VWCE: variants seen among roughly 807,000 people sequenced by gnomAD.
The protein encoded by VWCE is von Willebrand factor C and EGF domains, also known as von Willebrand factor C and EGF domain-containing protein.
Under a neutral mutation model 102.9 loss-of-function variants are expected in VWCE, and 68 were observed. The observed-to-expected ratio is 0.66, with a 90% CI of 0.54 to 0.81. The LOEUF (loss-of-function observed/expected upper bound fraction) is 0.81, where lower values mean the gene tolerates loss of function less well. VWCE is among the 30% of genes least tolerant of loss of function. VWCE has a pLI of 0.00. For missense variants in VWCE, 1,137 were observed against 1,263.6 expected, an observed-to-expected ratio of 0.90 and a Z score of 1.52; for synonymous variants, 497 against 515.4, an observed-to-expected ratio of 0.96 and a Z score of 0.48.
chr11:61,281,719 G>A, intron 7 of VWCE, 67 bp downstream of exon 7: 3 of 1,533,962 alleles, frequency 2.0e-6, no homozygotes, highest in South Asian at 1.3e-5. Context: ...GGCTATGGGG[G>A]GGCGTAGCTG....
chr11:61,282,236 C>A (rs1361954273), intron 6 of VWCE, among the ~76,000 whole-genome samples: 1 of 152,214 alleles, frequency 6.6e-6, no homozygotes, highest in East Asian at 1.9e-4. Flanking sequence ...CTTCCACCCT[C>A]CCGTTTTTCT....
intron 12 of VWCE, 78 bp from the exon 13 acceptor site, chr11:61,273,394 G>A: frequency 7.3e-7 from 1 of 1,369,196 alleles, no homozygotes; most frequent in Non-Finnish European, 9.9e-7. Context: ...GAGGCCGCAG[G>A]CTGCCTGCCA....
Position 61,282,803 on chromosome 11 carries a change from C to G in VWCE, c.644G>C (p.Arg215Pro), listed in dbSNP as rs551711336. ...CRTGFHLHGN[R>P]HSCVDVNECR... ...CCCCGCCTTACCTACACAGGAGTGCCGGTTGCCATGAAGGTGGAAGCCAGT... is the reference window on the plus strand; with the variant it reads ...CCCCGCCTTACCTACACAGGAGTGCGGGTTGCCATGAAGGTGGAAGCCAGT... The change falls in exon 6 of 20, where the codon CGG becomes CCG. Residue 215 changes from arginine to proline, a missense_variant. This residue lies in a region of VWCE where 575 missense variants were observed against 625.9 expected (regional missense o/e 0.92). Transcript: ENST00000335613. The G allele has an allele frequency of 2.0e-5, 32 of 1,613,948 alleles. No individual in the cohort carries two copies. The highest frequency in any genetic ancestry group is 2.6e-5 in the Non-Finnish European group (31 of 1,179,954).
At chr11:61,293,026 G>A (rs1436442906) in intron 1 of VWCE, among the ~76,000 whole-genome samples, 2 of 151,986 alleles carry the variant, frequency 1.3e-5, no homozygotes, top group East Asian at 3.9e-4. Flanking sequence ...CGGATCACCC[G>A]AGGTCAGGAG....
chr11:61,278,976 T>C (rs1293197547), intron 9 of VWCE, among the ~76,000 whole-genome samples: 2 of 152,058 alleles, frequency 1.3e-5, no homozygotes, highest in Non-Finnish European at 2.9e-5. Flanking sequence ...GAGGCAGACG[T>C]TGCAGTGAGC....
intron 4 of VWCE, 37 bp downstream of exon 4, chr11:61,290,762 C>T: frequency 6.4e-7 from 1 of 1,571,086 alleles, no homozygotes; most frequent in Non-Finnish European, 8.7e-7. Context: ...TTCCCGCTGT[C>T]CCCCTCCCCC....
At chr11:61,287,983 G>A (rs748745080) in intron 4 of VWCE, among the ~76,000 whole-genome samples, 84 of 151,402 alleles carry the variant, frequency 5.5e-4, no homozygotes, top group African/African-American at 1.4e-3. Flanking sequence ...GTGAAACCCC[G>A]TCTCTACTAA....
chr11:61,284,951 CAAAA>C (rs561924825), intron 5 of VWCE, among the ~76,000 whole-genome samples: 1 of 138,280 alleles, frequency 7.2e-6, no homozygotes, highest in South Asian at 2.3e-4. Context: ...TCCTCCATGT[CAAAA>C]AAAAAAAAGA....
intron 19 of VWCE, 83 bp downstream of exon 19, chr11:61,264,404 C>T (rs570033937): frequency 5.6e-5 from 77 of 1,382,864 alleles, no homozygotes; most frequent in Admixed American, 1.2e-4. Context: ...TTATCCAGCC[C>T]TTTACAAGTT....
In VWCE at chr11:61,294,903, GC is replaced by G; in HGVS notation, c.110+24del. The G allele has an allele frequency of 7.3e-7, 1 of 1,362,686 alleles. No homozygotes were observed. The highest frequency in any genetic ancestry group is 1.6e-5 in the South Asian group (1 of 63,444). 84.4% of individuals were successfully genotyped at this position (1,362,686 alleles called of 1,614,324 possible). ...CGGTAGCGCTCTCCCGGGCGGGGGA[GC>G]GGGGAGGAGCTCCGGGCGCTTACCT... On this transcript the variant is annotated intron_variant, in intron 1 of 19. Coordinates refer to ENST00000335613, the MANE Select transcript of VWCE (RefSeq NM_152718.2). The surrounding 1 kb of genome is among the most constrained non-coding windows in gnomAD (Gnocchi z 6.3).
chr11:61,266,253 T>G (rs1854510794), intron 16 of VWCE, among the ~76,000 whole-genome samples: 2 of 152,056 alleles, frequency 1.3e-5, no homozygotes, highest in South Asian at 4.1e-4. Flanking sequence ...AAAAACAAAA[T>G]TTTTGGCTGG....
chr11:61,295,040 CCGG>C lies in VWCE; in HGVS notation c.-6_-4del, dbSNP rs1467892821. On this transcript the variant is annotated 5_prime_UTR_variant, in exon 1 of 20. Transcript: ENST00000335613. This position sits in a 1 kb window ranked among gnomAD's most constrained non-coding sequence, Gnocchi z 4.6. ...CGAAGGAGCAGTCCGGCCCACATGA[CCGG>C]CGGCGGCGGGTCCCCCGGGCTGGGC... 53 of 1,375,258 alleles carry C rather than the reference CCGG, an allele frequency of 3.9e-5. No individual in the cohort carries two copies. Among genetic ancestry groups the C allele is most frequent in the South Asian group, 1.3e-4 (8 of 62,478 alleles). 85.2% of individuals were successfully genotyped at this position (1,375,258 alleles called of 1,614,324 possible). A position where few individuals can be genotyped will look rare whatever the true frequency, so the allele number is the denominator to read the frequency against.
intron 10 of VWCE, among the ~76,000 whole-genome samples, chr11:61,277,563 C>A (rs1045227459): frequency 6.6e-6 from 1 of 152,058 alleles, no homozygotes; most frequent in Non-Finnish European, 1.5e-5. Flanking sequence ...TATGACTGCA[C>A]CACTATACTC....
chr11:61,293,391 T>C (rs1590665333), intron 1 of VWCE, among the ~76,000 whole-genome samples: 1 of 137,096 alleles, frequency 7.3e-6, no homozygotes, highest in Non-Finnish European at 1.5e-5. Context: ...CACTCCAGCC[T>C]GGGTGACAGA....
intron 11 of VWCE, among the ~76,000 whole-genome samples, chr11:61,275,347 C>G (rs1055367974): frequency 6.6e-6 from 1 of 151,958 alleles, no homozygotes; most frequent in East Asian, 1.9e-4. Flanking sequence ...GGCTCAAATC[C>G]GAGCTATACA....
chr11:61,281,078 G>A lies in VWCE; in HGVS notation c.945C>T (p.Thr315=). 1 of 1,606,680 alleles carries A rather than the reference G, an allele frequency of 6.2e-7. No homozygotes were observed. The highest frequency in any genetic ancestry group is 8.5e-7 in the Non-Finnish European group (1 of 1,176,074). ...GAPGPPAGVR[T]TRLPSPTPRL... ...GTGGGGTGGGAGATGGCAGGCGGGTGGTCCTGACTCCGGCTGGGGGCCCTG... is the reference window on the plus strand; with the variant it reads ...GTGGGGTGGGAGATGGCAGGCGGGTAGTCCTGACTCCGGCTGGGGGCCCTG... Residue 315 remains threonine (T), a synonymous_variant, in exon 8 of 20, where the codon ACC becomes ACT. Transcript: ENST00000335613.
At chr11:61,273,958 A>G (rs1290649758) in intron 12 of VWCE, among the ~76,000 whole-genome samples, 1 of 152,040 alleles carries the variant, frequency 6.6e-6, no homozygotes, top group Non-Finnish European at 1.5e-5. Flanking sequence ...TTCTTCTGAG[A>G]GCACTCCCTT....
rs759260155 is a variant in VWCE at position 61,258,717 on chromosome 11, C to A, written c.2826G>T (p.Gln942His). The change falls in exon 20 of 20, where the codon CAG (glutamine) becomes CAT (histidine). Residue 942 changes from glutamine to histidine, a missense_variant. Transcript: ENST00000335613. The stretch of plus-strand genomic sequence containing the variant: ...CCCCCCGAGAAGCCCCCACTGGGGG[C>A]TGCTGGGGGCCAGGGTGGGTGGTGG... ...LAATTHPGPQ[Q>H]PPVGASRGEE... The A allele has an allele frequency of 1.4e-6, 2 of 1,389,002 alleles. No homozygotes were observed. The highest frequency in any genetic ancestry group is 1.9e-6 in the Non-Finnish European group (2 of 1,067,776). The allele number at this position is 1,389,002 out of a possible 1,614,324, so 86.0% of individuals were successfully genotyped here.
At chr11:61,284,343 G>A (rs1246290731) in intron 5 of VWCE, among the ~76,000 whole-genome samples, 1 of 152,180 alleles carries the variant, frequency 6.6e-6, no homozygotes, top group East Asian at 1.9e-4. Context: ...TTGTGAGGGC[G>A]AAAGGAGAAA....
Sources: allele counts gnomAD v4.1 joint callset (sites outside exome capture counted in the v4.1 genomes callset), GRCh38; gene constraint gnomAD v4.1.1; regional missense constraint gnomAD v4.1.1; non-coding constraint Gnocchi (gnomAD v3.1); transcripts MANE v1.5; gene names NCBI Gene and HGNC (gene_info 2026-07-23, HGNC 2026-07-21).